IGSF10: variants seen among roughly 807,000 people sequenced by gnomAD.
The protein encoded by IGSF10 is immunoglobulin superfamily member 10.
In IGSF10, 126 loss-of-function variants were observed where a neutral mutation model predicts 128.2. The observed-to-expected ratio is 0.98, with a 90% confidence interval of 0.85 to 1.14. The LOEUF (loss-of-function observed/expected upper bound fraction) is 1.14. Ranked by LOEUF, IGSF10 falls within the 50% of genes most tolerant of loss-of-function variation. IGSF10 has a pLI of 0.00. For missense variants in IGSF10, 3,295 were observed against 3,149.8 expected (o/e 1.05, Z -1.10); for synonymous variants, 1,185 against 1,146.2 (o/e 1.03, Z -0.68).
chr3:151,449,164 A>C lies in IGSF10; in HGVS notation c.817T>G (p.Ser273Ala). 6.2e-7 allele frequency: 1 copy of C among 1,614,226 alleles called. No homozygotes were observed. Among genetic ancestry groups the C allele is most frequent in the Non-Finnish European group, 8.5e-7 (1 of 1,180,044 alleles). ...TSKGKPLAMV[S>A]AAAFQCAKPT... ...TTGGCACACTGGAAAGCTGCAGCTG[A>C]GACCATAGCTAACGGCTTGCCTTTA... The change falls in exon 6 of 8, where the codon TCA becomes GCA. Residue 273 changes from serine to alanine, a missense_variant. By Grantham distance (99) the Ser-to-Ala change is moderately conservative. Transcript: ENST00000282466.
chr3:151,579,904 A>AAGGAAGGAAGGT, the IGSF10 span, among the ~76,000 whole-genome samples: 16 of 151,668 alleles, frequency 1.1e-4, no homozygotes, highest in African/African-American at 3.2e-4. Flanking sequence ...GGAAGGAAGG[A>AAGGAAGGAAGGT]AGGAAGGAAG....
At chr3:151,470,856 C>T in the IGSF10 span, among the ~76,000 whole-genome samples, 1 of 152,136 alleles carries the variant, frequency 6.6e-6, no homozygotes, top group East Asian at 1.9e-4. Flanking sequence ...AAATTCCAAC[C>T]AAACCCGCAT....
the IGSF10 span, among the ~76,000 whole-genome samples, chr3:151,595,356 C>T: frequency 6.6e-6 from 1 of 151,990 alleles, no homozygotes; most frequent in South Asian, 2.1e-4. Context: ...ATAGCCAAGA[C>T]ATGAAAGCAA....
chr3:151,554,465 G>A, the IGSF10 span, among the ~76,000 whole-genome samples: 4 of 147,448 alleles, frequency 2.7e-5, no homozygotes, highest in East Asian at 1.9e-4. Flanking sequence ...TTGCCAAAGC[G>A]ATTTTCTCCA....
chr3:151,460,671 G>A (rs1472650618), intron 1 of IGSF10, among the ~76,000 whole-genome samples: 1 of 151,380 alleles, frequency 6.6e-6, no homozygotes, highest in Non-Finnish European at 1.5e-5. Context: ...TCCTCAAATT[G>A]TCTTTTTTGG....
chr3:151,618,075 G>A, the IGSF10 span, among the ~76,000 whole-genome samples: 2 of 152,144 alleles, frequency 1.3e-5, no homozygotes, highest in Non-Finnish European at 2.9e-5. Flanking sequence ...AGGAGGTGGG[G>A]CCTTTGGGAG....
the IGSF10 span, among the ~76,000 whole-genome samples, chr3:151,618,472 T>C: frequency 6.6e-6 from 1 of 152,184 alleles, no homozygotes; most frequent in Non-Finnish European, 1.5e-5. Context: ...GGCTCACGCC[T>C]GTAATCCCAA....
the IGSF10 span, among the ~76,000 whole-genome samples, chr3:151,502,175 T>G: frequency 6.6e-6 from 1 of 152,156 alleles, no homozygotes; most frequent in Non-Finnish European, 1.5e-5. Context: ...ACTGCTTTTC[T>G]TATCTGCAAA....
At chr3:151,463,203 G>A (rs113935459), upstream of IGSF10, among the ~76,000 whole-genome samples, 310 of 152,236 alleles carry the variant, frequency 2.0e-3, no homozygotes, top group Middle Eastern at 3.4e-3. Context: ...CTTCTCTGAC[G>A]TATTTTCTAC....
At chr3:151,510,256 G>A in the IGSF10 span, among the ~76,000 whole-genome samples, 9 of 152,130 alleles carry the variant, frequency 5.9e-5, no homozygotes, top group Non-Finnish European at 1.2e-4. Context: ...TCACACGGCC[G>A]GGTACTCCTC....
intron 7 of IGSF10, among the ~76,000 whole-genome samples, chr3:151,439,529 G>T (rs1720707287): frequency 6.6e-6 from 1 of 152,112 alleles, no homozygotes; most frequent in Non-Finnish European, 1.5e-5. Flanking sequence ...CTTGAGAATC[G>T]CTTGAACCCA....
At chr3:151,486,366 T>C in the IGSF10 span, among the ~76,000 whole-genome samples, 2 of 152,078 alleles carry the variant, frequency 1.3e-5, no homozygotes, top group South Asian at 2.1e-4. Flanking sequence ...CACACAATAA[T>C]AGTGGGAGAC....
At chr3:151,613,703 A>T in the IGSF10 span, among the ~76,000 whole-genome samples, 2 of 152,238 alleles carry the variant, frequency 1.3e-5, no homozygotes, top group Non-Finnish European at 2.9e-5. Flanking sequence ...TAAGTGTTAG[A>T]CCTACAACCA....
chr3:151,518,606 A>T, the IGSF10 span, among the ~76,000 whole-genome samples: 1 of 151,964 alleles, frequency 6.6e-6, no homozygotes, highest in Non-Finnish European at 1.5e-5. Context: ...TGTTTTTCAA[A>T]ATATGGATAT....
At chr3:151,474,456 T>C in the IGSF10 span, among the ~76,000 whole-genome samples, 1 of 152,146 alleles carries the variant, frequency 6.6e-6, no homozygotes. Flanking sequence ...TTTCTTCCAA[T>C]AAGTTTCCAA....
intron 5 of IGSF10, among the ~76,000 whole-genome samples, chr3:151,450,767 A>C (rs1721471677): frequency 6.6e-6 from 1 of 151,838 alleles, no homozygotes. Context: ...ATGGTGGCAC[A>C]TGTCTATAAT....
chr3:151,544,620 T>C, the IGSF10 span, among the ~76,000 whole-genome samples: 5 of 152,190 alleles, frequency 3.3e-5, no homozygotes, highest in South Asian at 1.0e-3. Context: ...GAAAGTCTAA[T>C]GCTATTTGAT....
chr3:151,496,692 C>T, the IGSF10 span, among the ~76,000 whole-genome samples: 1 of 151,582 alleles, frequency 6.6e-6, no homozygotes, highest in East Asian at 1.9e-4. Context: ...GGGTATATAT[C>T]CAGTAATGGG....
chr3:151,617,263 T>C, the IGSF10 span, among the ~76,000 whole-genome samples: 180 of 41,846 alleles, frequency 4.3e-3, 2 homozygotes, highest in African/African-American at 0.015. Context: ...TCTCCTTCTC[T>C]TCTTCTTCTT....
Sources: gnomAD v4.1 joint callset for allele counts (sites outside exome capture counted in the v4.1 genomes callset) on GRCh38, gnomAD v4.1.1 for gene constraint, MANE v1.5 for transcripts, NCBI Gene and HGNC (gene_info 2026-07-23, HGNC 2026-07-21) for gene names.